PDE4D: variants seen among roughly 807,000 people sequenced by gnomAD.
The protein encoded by PDE4D is 3',5'-cyclic-AMP phosphodiesterase 4D.
PDE4D carries 24 observed loss-of-function variants against 87.4 expected under a neutral mutation model. The ratio of observed to expected loss-of-function variants is 0.27; its 90% CI spans 0.20 to 0.39. PDE4D has a LOEUF of 0.39. Ranked by LOEUF, PDE4D falls within the 10% of genes least tolerant of loss-of-function variation. The probability of loss-of-function intolerance (pLI) is 1.00; values close to 1 mark genes in which losing one functional copy is unlikely to be tolerated. For missense variants in PDE4D, 714 were observed against 1,041.0 expected, an observed-to-expected ratio of 0.69 and a Z score of 4.32; for synonymous variants, 384 against 383.2, an observed-to-expected ratio of 1.00 and a Z score of -0.02.
chr5:59,893,078 T>G, intron 1 of PDE4D, 90 bp downstream of exon 1: 2 of 1,285,642 alleles, frequency 1.6e-6, no homozygotes, highest in Non-Finnish European at 2.1e-6. Context: ...GGGTCTAGAA[T>G]TGGTGGTGAT....
intron 3 of PDE4D, among the ~76,000 whole-genome samples, chr5:59,954,775 G>C (rs1758661203): frequency 1.3e-5 from 2 of 152,164 alleles, no homozygotes; most frequent in South Asian, 4.1e-4. Context: ...GGTTTCTACA[G>C]TGAAATTAAG....
intron 1 of PDE4D, among the ~76,000 whole-genome samples, chr5:59,564,273 G>A (rs1004499982): frequency 1.3e-5 from 2 of 152,172 alleles, no homozygotes; most frequent in East Asian, 1.9e-4. Context: ...GAGATAGAAA[G>A]GGAGCTTCAG....
At chr5:58,989,624 C>T in intron 10 of PDE4D, 131 bp downstream of exon 10, 1 of 567,432 alleles carries the variant, frequency 1.8e-6, no homozygotes, top group Non-Finnish European at 3.1e-6. Context: ...TAGCATTTTC[C>T]CCCATAAGTC....
chr5:59,710,937 T>C (rs1045886922), intron 1 of PDE4D, among the ~76,000 whole-genome samples: 3 of 152,204 alleles, frequency 2.0e-5, no homozygotes, highest in Non-Finnish European at 2.9e-5. Context: ...TAACTCCATG[T>C]ACATTTTACA....
At position 59,690,830 on chromosome 5, in the gene PDE4D, A is replaced by C. The variant is rs80348087; in HGVS notation, c.455+202338T>G. Among the ~76,000 whole-genome samples the C allele has an allele frequency of 6.2e-3, 948 of 152,280 alleles. 6 individuals are homozygous for C. Among genetic ancestry groups the C allele is most frequent in the African/African-American group, 0.022 (916 of 41,572 alleles). ...TTTATAATCTACCCATCTGAGAAAGAGCTAATACACAGAATCTACAAATAA... is the reference window on the plus strand; with the variant it reads ...TTTATAATCTACCCATCTGAGAAAGCGCTAATACACAGAATCTACAAATAA... On this transcript the variant is annotated intron_variant, in intron 1 of 14. Coordinates refer to ENST00000340635, the MANE Select transcript of PDE4D (RefSeq NM_001104631.2).
intron 1 of PDE4D, among the ~76,000 whole-genome samples, chr5:59,561,728 G>A (rs1289725216): frequency 6.6e-6 from 1 of 151,994 alleles, no homozygotes; most frequent in Non-Finnish European, 1.5e-5. Context: ...TCAGGAGTTT[G>A]AGACCAGCCT....
intron 5 of PDE4D, among the ~76,000 whole-genome samples, chr5:59,131,030 C>G (rs1776177203): frequency 2.6e-5 from 4 of 152,140 alleles, no homozygotes; most frequent in Admixed American, 2.6e-4. Flanking sequence ...AAGGGGTGCC[C>G]TTTTCTATTT....
chr5:59,461,665 A>G (rs73758504), intron 1 of PDE4D, among the ~76,000 whole-genome samples: 2,496 of 152,304 alleles, frequency 0.016, 73 homozygotes, highest in African/African-American at 0.055. Flanking sequence ...TTCTCAGTTC[A>G]GTCAAAATGT....
At chr5:59,649,904 C>CTTGTTTTTTTTTTTTTTTTTT (rs1561402852) in intron 1 of PDE4D, among the ~76,000 whole-genome samples, 2 of 73,960 alleles carry the variant, frequency 2.7e-5, no homozygotes, top group African/African-American at 1.0e-4. Context: ...AGTTTGTGAA[C>CTTGTTTTTTTTTTTTTTTTTT]CTTTTTTTTT....
At chr5:59,218,576 A>G (rs917626889) in intron 1 of PDE4D, among the ~76,000 whole-genome samples, 3 of 152,058 alleles carry the variant, frequency 2.0e-5, no homozygotes, top group Admixed American at 6.6e-5. Flanking sequence ...GGGCTTTAAT[A>G]TTTTTCTTTG....
At chr5:59,081,631 A>G (rs1165921311) in intron 5 of PDE4D, among the ~76,000 whole-genome samples, 1 of 151,796 alleles carries the variant, frequency 6.6e-6, no homozygotes, top group Non-Finnish European at 1.5e-5. Flanking sequence ...TTATCACTAG[A>G]TGCTTGAATT....
At chr5:59,224,014 G>A (rs920978561) in intron 1 of PDE4D, among the ~76,000 whole-genome samples, 1 of 151,336 alleles carries the variant, frequency 6.6e-6, no homozygotes, top group Non-Finnish European at 1.5e-5. Context: ...GGCTGGGCAT[G>A]GTGGCTCACA....
intron 1 of PDE4D, among the ~76,000 whole-genome samples, chr5:59,686,010 T>C (rs1027197189): frequency 3.3e-5 from 5 of 152,078 alleles, no homozygotes; most frequent in Non-Finnish European, 7.4e-5. Context: ...GAAAAACACA[T>C]TCTAGAAGGC....
intron 2 of PDE4D, among the ~76,000 whole-genome samples, chr5:60,064,056 T>C (rs886356362): frequency 6.6e-6 from 1 of 152,114 alleles, no homozygotes; most frequent in African/African-American, 2.4e-5. Context: ...ACTATAGTTA[T>C]CTGAGGACAA....
At chr5:59,484,060 G>A (rs143809762) in intron 1 of PDE4D, among the ~76,000 whole-genome samples, 1 of 152,218 alleles carries the variant, frequency 6.6e-6, no homozygotes, top group East Asian at 1.9e-4. Context: ...TTTTGCTTGG[G>A]CCCCACCTGG....
At chr5:59,110,413 T>A (rs935443433) in intron 5 of PDE4D, among the ~76,000 whole-genome samples, 17 of 152,248 alleles carry the variant, frequency 1.1e-4, no homozygotes, top group African/African-American at 4.1e-4. Flanking sequence ...CTACACACCA[T>A]TTTAAATTTA....
In PDE4D at chr5:60,359,907, T is replaced by C. The variant is rs538980136; in HGVS notation, c.-90+128035A>G. Among the ~76,000 whole-genome samples the C allele has an allele frequency of 1.1e-4, 16 of 152,332 alleles. No homozygotes were observed. The South Asian group carries it at 3.3e-3, about 32-fold the overall frequency. ...TTCTTACCCAACATGACATGCTCCTTCCTCACATTCATCCTCTCATGCTTT... is the reference window on the plus strand; with the variant it reads ...TTCTTACCCAACATGACATGCTCCTCCCTCACATTCATCCTCTCATGCTTT... On this transcript the variant is annotated intron_variant, in intron 1 of 16. Transcript: ENST00000502484.
At chr5:59,921,978 G>A (rs1474428761) in intron 3 of PDE4D, among the ~76,000 whole-genome samples, 1 of 152,170 alleles carries the variant, frequency 6.6e-6, no homozygotes, top group East Asian at 1.9e-4. Context: ...AATGGCCGAT[G>A]CCACCCCTCC....
chr5:59,727,017 T>C (rs1204173343), intron 1 of PDE4D, among the ~76,000 whole-genome samples: 1 of 151,980 alleles, frequency 6.6e-6, no homozygotes, highest in African/African-American at 2.4e-5. Context: ...CACAGCCCAA[T>C]AGAGGAGAAA....
Sources: gnomAD v4.1 joint callset for allele counts (sites outside exome capture counted in the v4.1 genomes callset) on GRCh38, gnomAD v4.1.1 for gene constraint, MANE v1.5 for transcripts, NCBI Gene and HGNC (gene_info 2026-07-23, HGNC 2026-07-21) for gene names.